PCM1: variants seen among roughly 807,000 people sequenced by gnomAD.
PCM1 encodes the protein pericentriolar material 1.
Under a neutral mutation model 241.9 loss-of-function variants are expected in PCM1, and 157 were observed. The observed-to-expected ratio is 0.65, with a 90% CI of 0.57 to 0.74. The LOEUF (loss-of-function observed/expected upper bound fraction) is 0.74, where lower values mean the gene tolerates loss of function less well. Among genes scored for constraint, PCM1 ranks in the 30% least tolerant of loss-of-function variants. The pLI is 0.00. For synonymous variants in PCM1, 1,085 were observed against 784.9 expected (o/e 1.38, Z -6.39); for missense variants, 3,478 against 2,360.1 (o/e 1.47, Z -9.81).
intron 2 of PCM1, among the ~76,000 whole-genome samples, chr8:17,930,463 A>T (rs2129447000): frequency 6.6e-6 from 1 of 152,260 alleles, no homozygotes; most frequent in African/African-American, 2.4e-5. Context: ...TTACAGAATA[A>T]AATTTAGAAG....
chr8:17,966,544 C>G, intron 20 of PCM1, 71 bp downstream of exon 20: 1 of 1,417,402 alleles, frequency 7.1e-7, no homozygotes, highest in South Asian at 1.3e-5. Context: ...CAGTTAGCTT[C>G]TGGGAGAAAA....
At position 18,025,426 on chromosome 8, in the gene PCM1, A is replaced by G; in HGVS notation, c.5907A>G (p.Leu1969=). 2 of 1,600,148 alleles carry G rather than the reference A, an allele frequency of 1.2e-6. No individual in the cohort carries two copies. Among genetic ancestry groups the G allele is most frequent in the East Asian group, 2.2e-5 (1 of 44,642 alleles). ...DEEDFVKVED[L]PLKLTIYSEA... is the part of the protein sequence containing the mutation. Reference sequence around the variant, plus strand: ...AAGATTTTGTAAAAGTTGAAGATTTACCACTGAAACTGACAATATATTCAG... The same window carrying G: ...AAGATTTTGTAAAAGTTGAAGATTTGCCACTGAAACTGACAATATATTCAG... The change falls in exon 37 of 39, where the codon TTA becomes TTG. Residue 1969 remains leucine (L), a synonymous_variant. Coordinates refer to ENST00000325083, the MANE Select transcript of PCM1 (RefSeq NM_006197.4).
Position 18,014,653 on chromosome 8 carries a change from G to GTGC in PCM1, c.5658_5660dup (p.Ala1887dup). On this transcript the variant is annotated inframe_insertion, in exon 36 of 39. Coordinates refer to ENST00000325083, the MANE Select transcript of PCM1 (RefSeq NM_006197.4). ...TTGGAAGATGAGCAACCTTTAAATA[G>GTGC]TGCTGCCCATAAGGAGTCACCTCCT... 6.2e-7 allele frequency: 1 copy of GTGC among 1,613,510 alleles called. No individual in the cohort carries two copies. Among genetic ancestry groups the GTGC allele is most frequent in the Non-Finnish European group, 8.5e-7 (1 of 1,179,618 alleles).
intron 15 of PCM1, among the ~76,000 whole-genome samples, chr8:17,961,488 T>C (rs1161535114): frequency 6.6e-6 from 1 of 151,998 alleles, no homozygotes; most frequent in Non-Finnish European, 1.5e-5. Flanking sequence ...TTTTTTTGTA[T>C]TTTTAGTAGA....
chr8:17,949,501 T>C (rs555123261), intron 7 of PCM1, among the ~76,000 whole-genome samples: 175 of 122,470 alleles, frequency 1.4e-3, no homozygotes, highest in African/African-American at 8.0e-3. Flanking sequence ...TTTCTTTATC[T>C]TTTTTTTTTT....
chr8:17,939,673 A>C lies in PCM1; in HGVS notation c.613-18A>C. The C allele has an allele frequency of 2.1e-6, 3 of 1,456,400 alleles. No individual in the cohort carries two copies. Among genetic ancestry groups the C allele is most frequent in the Middle Eastern group, 1.8e-4 (1 of 5,620 alleles). 90.2% of individuals were successfully genotyped at this position (1,456,400 alleles called of 1,614,324 possible). A position where few individuals can be genotyped will look rare whatever the true frequency, so the allele number is the denominator to read the frequency against. On this transcript the variant is annotated intron_variant, in intron 5 of 38. Transcript: ENST00000325083. ...GTGTACTTTCATGCTTTTTTTAAAA[A>C]AAATATTTCCCCTGCAGATTGTAAG...
chr8:18,022,956 G>A (rs2093876178), intron 36 of PCM1, among the ~76,000 whole-genome samples: 1 of 152,094 alleles, frequency 6.6e-6, no homozygotes, highest in Non-Finnish European at 1.5e-5. Context: ...TCCTTATTTG[G>A]CGATGGTACC....
Position 17,933,715 on chromosome 8 carries a change from C to T in PCM1, c.-22-1874C>T, listed in dbSNP as rs116759936. 1.0e-3 allele frequency among the ~76,000 whole-genome samples: 159 copies of T among 152,114 alleles called. 1 individual carries two copies. The highest frequency in any genetic ancestry group is 3.0e-3 in the African/African-American group (126 of 41,520). On this transcript the variant is annotated intron_variant, in intron 2 of 38. Coordinates refer to ENST00000325083, the MANE Select transcript of PCM1 (RefSeq NM_006197.4). ...GGTATTGGTGATATTTTGACGTTCTCTAGATTTTTAAAAAATACCTACTCT... is the reference window on the plus strand; with the variant it reads ...GGTATTGGTGATATTTTGACGTTCTTTAGATTTTTAAAAAATACCTACTCT...
chr8:17,957,080 T>A (rs935469103), intron 11 of PCM1, among the ~76,000 whole-genome samples, 184 bp from the exon 12 acceptor site: 4 of 152,208 alleles, frequency 2.6e-5, no homozygotes, highest in African/African-American at 9.6e-5. Flanking sequence ...CAGATGTTTT[T>A]CTACTTAAAT....
intron 8 of PCM1, among the ~76,000 whole-genome samples, chr8:17,951,679 G>A (rs2066071477): frequency 6.6e-6 from 1 of 152,212 alleles, no homozygotes; most frequent in East Asian, 1.9e-4. Flanking sequence ...GTATACATAG[G>A]CATTAGAAAA....
Position 17,990,049 on chromosome 8 carries a change from G to C in PCM1, c.4531+70G>C, listed in dbSNP as rs1397006614. On this transcript the variant is annotated intron_variant, in intron 27 of 38. Coordinates refer to ENST00000325083, the MANE Select transcript of PCM1 (RefSeq NM_006197.4). The stretch of plus-strand genomic sequence containing the variant: ...CTGGTCCAGTCTTTGAATTGGCGTT[G>C]ATAAGGAAACAAGTCTAGAAAGGCG... 2.3e-6 allele frequency: 3 copies of C among 1,298,390 alleles called. No homozygotes were observed. The Admixed American group carries it at 8.8e-5, about 38-fold the overall frequency. The allele number at this position is 1,298,390 out of a possible 1,614,324, so 80.4% of individuals were successfully genotyped here. A position where few individuals can be genotyped will look rare whatever the true frequency, so the allele number is the denominator to read the frequency against.
intron 22 of PCM1, among the ~76,000 whole-genome samples, chr8:17,971,825 C>A (rs563285436): frequency 1.3e-5 from 2 of 152,212 alleles, no homozygotes; most frequent in African/African-American, 4.8e-5. Context: ...CTCACTGCCT[C>A]CTTGAATTCC....
chr8:17,972,143 A>G (rs1013644158), intron 22 of PCM1, among the ~76,000 whole-genome samples, 186 bp from the exon 23 acceptor site: 1 of 152,212 alleles, frequency 6.6e-6, no homozygotes, highest in Non-Finnish European at 1.5e-5. Flanking sequence ...CCAGAATTAA[A>G]ACTAATTTAC....
At chr8:17,970,415 T>A (rs1413454898) in intron 22 of PCM1, among the ~76,000 whole-genome samples, 1 of 150,770 alleles carries the variant, frequency 6.6e-6, no homozygotes, top group Non-Finnish European at 1.5e-5. Context: ...GTTTAATTAC[T>A]GAGTCATTAA....
chr8:18,022,304 AT>A (rs2093818783), intron 36 of PCM1, among the ~76,000 whole-genome samples: 1 of 152,208 alleles, frequency 6.6e-6, no homozygotes, highest in African/African-American at 2.4e-5. Context: ...TTAAGTTTTG[AT>A]TTGGTTTTGC....
At chr8:17,940,543 C>T (rs911972980) in intron 6 of PCM1, among the ~76,000 whole-genome samples, 1 of 152,070 alleles carries the variant, frequency 6.6e-6, no homozygotes, top group Non-Finnish European at 1.5e-5. Context: ...TGGAAATAAC[C>T]AAGTTCATTT....
intron 28 of PCM1, 68 bp downstream of exon 28, chr8:17,991,768 T>A (rs1326310870): frequency 8.6e-7 from 1 of 1,163,502 alleles, no homozygotes; most frequent in Non-Finnish European, 1.2e-6. Context: ...ATAAGTTCTT[T>A]AGTGGTGATT....
intron 24 of PCM1, chr8:17,983,214 T>C (rs1167539501): frequency 6.9e-6 from 9 of 1,300,418 alleles, no homozygotes; most frequent in South Asian, 1.2e-5. Flanking sequence ...TTCATCCTTA[T>C]GTCTGCCCTT....
intron 16 of PCM1, 55 bp from the exon 17 acceptor site, chr8:17,963,046 T>G (rs2073231223): frequency 7.4e-6 from 10 of 1,360,498 alleles, no homozygotes; most frequent in Non-Finnish European, 1.0e-5. Context: ...TTTTACTCTT[T>G]TAGGCTACAG....
Sources: allele counts gnomAD v4.1 joint callset (sites outside exome capture counted in the v4.1 genomes callset), GRCh38; gene constraint gnomAD v4.1.1; transcripts MANE v1.5; gene names NCBI Gene and HGNC (gene_info 2026-07-23, HGNC 2026-07-21).